TPM4: variants seen among roughly 807,000 people sequenced by gnomAD.
TPM4 encodes tropomyosin 4, also known as tropomyosin alpha-4 chain.
TPM4 carries 17 observed loss-of-function variants against 35.8 expected under a neutral mutation model. The ratio of observed to expected loss-of-function variants is 0.47; its 90% CI spans 0.32 to 0.71. TPM4 has a LOEUF of 0.71. Ranked by LOEUF, TPM4 falls within the 30% of genes least tolerant of loss-of-function variation. TPM4 has a pLI of 0.03. For synonymous variants in TPM4, 120 were observed against 122.9 expected, an observed-to-expected ratio of 0.98 and a Z score of 0.15; for missense variants, 240 against 320.9, an observed-to-expected ratio of 0.75 and a Z score of 1.93.
At chr19:16,090,824 A>ATTT (rs1017045831) in intron 5 of TPM4, among the ~76,000 whole-genome samples, 8 of 123,360 alleles carry the variant, frequency 6.5e-5, no homozygotes, top group African/African-American at 9.3e-5. Flanking sequence ...TGTGTGTGTA[A>ATTT]TTTTTTTTTT....
intron 2 of TPM4, among the ~76,000 whole-genome samples, chr19:16,083,757 C>CTTTTTTTT (rs573965261): frequency 8.3e-6 from 1 of 120,662 alleles, no homozygotes; most frequent in African/African-American, 3.3e-5. Context: ...AGATTCATTT[C>CTTTTTTTT]TTTTTTTTTT....
intron 2 of TPM4, among the ~76,000 whole-genome samples, chr19:16,083,767 T>C (rs2090515407): frequency 6.6e-6 from 1 of 150,664 alleles, no homozygotes; most frequent in Non-Finnish European, 1.5e-5. Flanking sequence ...CTTTTTTTTT[T>C]TTTTTTTTTG....
At chr19:16,093,366 T>C (rs1178743043) in intron 5 of TPM4, among the ~76,000 whole-genome samples, 170 bp from the exon 6 acceptor site, 1 of 151,922 alleles carries the variant, frequency 6.6e-6, no homozygotes, top group Non-Finnish European at 1.5e-5. Context: ...TGGCTAATTT[T>C]TGTATTTTTA....
At chr19:16,087,929 G>C in intron 3 of TPM4, 98 bp from the exon 4 acceptor site, 1 of 1,278,764 alleles carries the variant, frequency 7.8e-7, no homozygotes, top group Non-Finnish European at 1.1e-6. Flanking sequence ...AGCTGGTCTA[G>C]GGGTCTGGGT....
At chr19:16,069,096 T>C (rs1168214950) in intron 2 of TPM4, among the ~76,000 whole-genome samples, 1 of 152,108 alleles carries the variant, frequency 6.6e-6, no homozygotes, top group Non-Finnish European at 1.5e-5. Context: ...TGTGGCTATG[T>C]TTGTGTTGGC....
chr19:16,089,572 C>T (rs1423753669), intron 5 of TPM4, among the ~76,000 whole-genome samples: 3 of 152,122 alleles, frequency 2.0e-5, no homozygotes, highest in Non-Finnish European at 2.9e-5. Context: ...CTTCCACGGC[C>T]GAACCCCACT....
At chr19:16,095,222 C>A in intron 7 of TPM4, 2 of 1,015,608 alleles carry the variant, frequency 2.0e-6, no homozygotes, top group Non-Finnish European at 1.2e-6. Flanking sequence ...CTTCTGTCCC[C>A]TGTACTTCTG....
chr19:16,077,908 C>A, intron 1 of TPM4: 1 of 322,604 alleles, frequency 3.1e-6, no homozygotes, highest in Non-Finnish European at 5.6e-6. Flanking sequence ...ATTACAGGTG[C>A]CCGCCACCAC....
At position 16,088,194 on chromosome 19, in the gene TPM4, C is replaced by T. The variant is rs1023974814; in HGVS notation, c.455+97C>T. 3.3e-6 allele frequency: 5 copies of T among 1,511,162 alleles called. No individual in the cohort carries two copies. The Admixed American group carries it at 7.9e-5, about 24-fold the overall frequency. The allele number at this position is 1,511,162 out of a possible 1,614,324, so 93.6% of individuals were successfully genotyped here. On this transcript the variant is annotated intron_variant, in intron 4 of 7. Transcript: ENST00000643579. ...TGGGAATTGGCTCTGACCGGGGTCT[C>T]TGCTCAAGTGGACGGGCGTCAGGGG...
At chr19:16,077,000 A>C (rs62116851) in intron 1 of TPM4, 1 of 358,832 alleles carries the variant, frequency 2.8e-6, no homozygotes, top group East Asian at 6.6e-5. Flanking sequence ...GGAGAAGTGG[A>C]GCGGCGGGAG....
At chr19:16,093,140 C>T (rs1274884385) in intron 5 of TPM4, 4 of 189,908 alleles carry the variant, frequency 2.1e-5, no homozygotes, top group South Asian at 9.7e-5. Context: ...CAGGTGAGAG[C>T]CACCACACCC....
intron 2 of TPM4, among the ~76,000 whole-genome samples, chr19:16,085,210 AC>A (rs2090534596): frequency 1.3e-5 from 2 of 152,096 alleles, no homozygotes; most frequent in South Asian, 4.1e-4. Context: ...CTATGATTAC[AC>A]CACTACACTC....
chr19:16,074,049 CAT>C (rs2090381569), upstream of TPM4, among the ~76,000 whole-genome samples: 2 of 145,686 alleles, frequency 1.4e-5, no homozygotes, highest in African/African-American at 2.6e-5. Flanking sequence ...CACACACACA[CAT>C]ATGGGGCACC....
intron 1 of TPM4, chr19:16,081,695 T>A: frequency 2.3e-6 from 1 of 433,672 alleles, no homozygotes; most frequent in East Asian, 4.1e-5. Context: ...CGCTTGGCGA[T>A]GCTCATCTTT....
chr19:16,076,934 G>A, intron 1 of TPM4: 1 of 896,428 alleles, frequency 1.1e-6, no homozygotes, highest in Non-Finnish European at 1.4e-6. Flanking sequence ...GGTCGGGCGG[G>A]GCCGGCCAAG....
upstream of TPM4, among the ~76,000 whole-genome samples, chr19:16,073,392 A>T (rs1459374905): frequency 2.0e-5 from 3 of 152,202 alleles, no homozygotes; most frequent in East Asian, 5.8e-4. Context: ...GTCTTTAAGG[A>T]AACTGGCTCA....
At chr19:16,078,827 G>A (rs531469133) in intron 1 of TPM4, among the ~76,000 whole-genome samples, 123 of 92,590 alleles carry the variant, frequency 1.3e-3, no homozygotes, top group Middle Eastern at 0.014. Context: ...ACCAGGGGTG[G>A]GTTAAAAAAA....
intron 7 of TPM4, 99 bp from the exon 8 acceptor site, chr19:16,101,165 T>A: frequency 2.0e-6 from 2 of 1,006,002 alleles, no homozygotes; most frequent in Non-Finnish European, 2.8e-6. Context: ...AATGAGACCC[T>A]GTCTCAAGAA....
In TPM4 at chr19:16,101,682, C is replaced by G. The variant is rs2090764917; in HGVS notation, c.*336C>G. ...TCCTGGGAGAATAGGCAGCCCCACA[C>G]TTTGAAGAATACAGACCCCAGTATC... On this transcript the variant is annotated 3_prime_UTR_variant, in exon 8 of 8. Transcript: ENST00000643579. 6.9e-6 allele frequency: 2 copies of G among 290,634 alleles called. No homozygotes were observed. The highest frequency in any genetic ancestry group is 1.3e-4 in the South Asian group (2 of 15,638). 18.0% of individuals were successfully genotyped at this position (290,634 alleles called of 1,614,324 possible). A position where few individuals can be genotyped will look rare whatever the true frequency, so the allele number is the denominator to read the frequency against.
Sources: allele counts gnomAD v4.1 joint callset (sites outside exome capture counted in the v4.1 genomes callset), GRCh38; gene constraint gnomAD v4.1.1; transcripts MANE v1.5; gene names NCBI Gene and HGNC (gene_info 2026-07-23, HGNC 2026-07-21).